Variants in PCDH1 observed in about 807,000 individuals in gnomAD.
The protein encoded by PCDH1 is protocadherin-1.
A neutral mutation model predicts 74.6 loss-of-function variants in PCDH1; 23 were observed. The ratio of observed to expected loss-of-function variants is 0.31; its 90% CI spans 0.22 to 0.44. The LOEUF is 0.44. PCDH1 is among the 20% of genes least tolerant of loss of function. The probability of loss-of-function intolerance (pLI) is 1.00; values close to 1 mark genes in which losing one functional copy is unlikely to be tolerated. For synonymous variants in PCDH1, 647 were observed against 686.1 expected (o/e 0.94, Z 0.89); for missense variants, 1,214 against 1,641.4 (o/e 0.74, Z 4.50).
chr5:141,870,776 C>T (rs1018603377), intron 1 of PCDH1, among the ~76,000 whole-genome samples: 3 of 152,184 alleles, frequency 2.0e-5, no homozygotes, highest in Non-Finnish European at 4.4e-5. Context: ...GCCCCCTCCT[C>T]TCCAACAAAA....
chr5:141,854,118 A>AG lies in PCDH1; in HGVS notation c.3637dup (p.Leu1213ProfsTer70). The stretch of plus-strand genomic sequence containing the variant: ...GGGTGGGAAGTCCGAGGTCTGGGTC[A>AG]GGGGGATTTCCTCCAAGGTGGCCGA... On this transcript the variant is annotated frameshift_variant, in exon 5 of 5. Coordinates refer to ENST00000287008, the MANE Select transcript of PCDH1 (RefSeq NM_032420.5). LOFTEE classifies it high-confidence loss of function. 1 of 1,583,338 alleles carries AG rather than the reference A, an allele frequency of 6.3e-7. No individual in the cohort carries two copies. Among genetic ancestry groups the AG allele is most frequent in the African/African-American group, 1.3e-5 (1 of 74,380 alleles).
At position 141,863,011 on chromosome 5, in the gene PCDH1, G is replaced by A; in HGVS notation, c.3099+221C>T. ...TCTCTCCCCAGTGGGGAGAGGGCAGGGAGGAGACCACAGAGCACACCCTCC... is the reference window on the plus strand; with the variant it reads ...TCTCTCCCCAGTGGGGAGAGGGCAGAGAGGAGACCACAGAGCACACCCTCC... On this transcript the variant is annotated intron_variant, in intron 3 of 4. Transcript: ENST00000287008. The surrounding 1 kb of genome is among the most constrained non-coding windows in gnomAD (Gnocchi z 7.5). 4 of 1,277,202 alleles carry A rather than the reference G, an allele frequency of 3.1e-6. No homozygotes were observed. The highest frequency in any genetic ancestry group is 3.9e-6 in the Non-Finnish European group (4 of 1,013,116). 79.1% of individuals were successfully genotyped at this position (1,277,202 alleles called of 1,614,324 possible).
In PCDH1 at chr5:141,854,241, G is replaced by GGGCTGC. The variant is rs1562473291; in HGVS notation, c.3509_3514dup (p.Ser1171_Pro1172insArgSer). On this transcript the variant is annotated inframe_insertion, in exon 5 of 5. Coordinates refer to ENST00000287008, the MANE Select transcript of PCDH1 (RefSeq NM_032420.5). ...GGTGTTCCGGTCTTCCGGGGGGCTG[G>GGGCTGC]GGCTGCCGGCGCCCGCAGGCTCCTG... The GGGCTGC allele has an allele frequency of 6.2e-7, 1 of 1,612,076 alleles. No individual in the cohort carries two copies. Among genetic ancestry groups the GGGCTGC allele is most frequent in the Admixed American group, 1.7e-5 (1 of 59,822 alleles).
At chr5:141,860,917 A>G (rs1752539397) in intron 3 of PCDH1, among the ~76,000 whole-genome samples, 1 of 152,096 alleles carries the variant, frequency 6.6e-6, no homozygotes, top group Non-Finnish European at 1.5e-5. Context: ...GGAGCTCAAG[A>G]CCAGCCTGAC....
chr5:141,867,928 TG>T (rs941257882), intron 2 of PCDH1, among the ~76,000 whole-genome samples: 1 of 152,196 alleles, frequency 6.6e-6, no homozygotes. Flanking sequence ...AGAGGGGTGC[TG>T]AGAACTTCAA....
In PCDH1 at chr5:141,853,738, G is replaced by C. The variant is rs1046729770; in HGVS notation, c.*304C>G. The C allele has an allele frequency of 3.2e-6, 1 of 310,072 alleles. No homozygotes were observed. The highest frequency in any genetic ancestry group is 2.1e-5 in the African/African-American group (1 of 46,662). The allele number at this position is 310,072 out of a possible 1,614,324, so 19.2% of individuals were successfully genotyped here. A position where few individuals can be genotyped will look rare whatever the true frequency, so the allele number is the denominator to read the frequency against. ...TGACTCCACCATCTGCCCAAATCGA[G>C]GGGGTGCTCCCTGGAAGTCAAGGGA... On this transcript the variant is annotated 3_prime_UTR_variant, in exon 5 of 5. Transcript: ENST00000287008.
intron 2 of PCDH1, among the ~76,000 whole-genome samples, chr5:141,867,848 G>A (rs1752916479): frequency 6.6e-6 from 1 of 152,222 alleles, no homozygotes; most frequent in African/African-American, 2.4e-5. Context: ...TGTCTGCAGA[G>A]ACGCTTTCTT....
At chr5:141,877,956 C>T (rs1450473814) in intron 1 of PCDH1, among the ~76,000 whole-genome samples, 2 of 152,190 alleles carry the variant, frequency 1.3e-5, no homozygotes, top group Admixed American at 1.3e-4. Flanking sequence ...TCTCCGAGCG[C>T]GCCCAGGTTT....
At chr5:141,877,189 G>T (rs1753263525) in intron 1 of PCDH1, among the ~76,000 whole-genome samples, 1 of 152,216 alleles carries the variant, frequency 6.6e-6, no homozygotes, top group African/African-American at 2.4e-5. Flanking sequence ...GCGCTGCAGG[G>T]TGTAATGTAA....
In PCDH1 at chr5:141,878,230, CG is replaced by C; in HGVS notation, c.32del (p.Pro11ArgfsTer6). 1 of 1,387,874 alleles carries C rather than the reference CG, an allele frequency of 7.2e-7. No homozygotes were observed. Among genetic ancestry groups the C allele is most frequent in the Middle Eastern group, 2.6e-4 (1 of 3,814 alleles). 86.0% of individuals were successfully genotyped at this position (1,387,874 alleles called of 1,614,324 possible). ...CCGCCGCCGGATCCTTACCCGCCTC[CG>C]GGCAGCGCCGGCCGCCCGCCCCGCT... MDSGAGGRRCPEAALLILGPP... is the reference protein window; with the variant it reads MDSGAGGRRCXEAALLILGPP... On this transcript the variant is annotated frameshift_variant, in exon 1 of 5. Coordinates refer to ENST00000287008, the MANE Select transcript of PCDH1 (RefSeq NM_032420.5). LOFTEE classifies it high-confidence loss of function. This position sits in a 1 kb window ranked among gnomAD's most constrained non-coding sequence, Gnocchi z 5.5.
chr5:141,869,723 C>A lies in PCDH1; in HGVS notation c.41-292G>T. ...TCACCCACCTGACGCTCCCTGGGCC[C>A]AAGCCCGGCTGCCCGCCCTCTTTCC... On this transcript the variant is annotated intron_variant, in intron 1 of 4. Coordinates refer to ENST00000287008, the MANE Select transcript of PCDH1 (RefSeq NM_032420.5). This position sits in a 1 kb window ranked among gnomAD's most constrained non-coding sequence, Gnocchi z 4.9. 6.8e-7 allele frequency: 1 copy of A among 1,471,522 alleles called. No individual in the cohort carries two copies. Among genetic ancestry groups the A allele is most frequent in the Admixed American group, 2.2e-5 (1 of 46,008 alleles). The allele number at this position is 1,471,522 out of a possible 1,614,324, so 91.2% of individuals were successfully genotyped here. A position where few individuals can be genotyped will look rare whatever the true frequency, so the allele number is the denominator to read the frequency against.
intron 3 of PCDH1, among the ~76,000 whole-genome samples, chr5:141,858,422 T>G (rs1752443661): frequency 6.6e-6 from 1 of 152,048 alleles, no homozygotes; most frequent in Admixed American, 6.5e-5. Flanking sequence ...GGAAAGCTGG[T>G]CTCAAAGGGA....
In PCDH1 at chr5:141,865,597, G is replaced by A. The variant is rs1210116701; in HGVS notation, c.904-170C>T. On this transcript the variant is annotated intron_variant, in intron 2 of 4. Transcript: ENST00000287008. This position sits in a 1 kb window ranked among gnomAD's most constrained non-coding sequence, Gnocchi z 4.4. ...TGTGTGTCCTGCCTTTTCCCAATTCGGACATTCTGGCAGGCATTACTAACC... is the reference window on the plus strand; with the variant it reads ...TGTGTGTCCTGCCTTTTCCCAATTCAGACATTCTGGCAGGCATTACTAACC... 2.0e-5 allele frequency among the ~76,000 whole-genome samples: 3 copies of A among 152,134 alleles called. No homozygotes were observed. Among genetic ancestry groups the A allele is most frequent in the Non-Finnish European group, 2.9e-5 (2 of 68,032 alleles).
chr5:141,874,734 T>C (rs990756869), intron 1 of PCDH1, among the ~76,000 whole-genome samples: 1 of 152,204 alleles, frequency 6.6e-6, no homozygotes, highest in African/African-American at 2.4e-5. Context: ...CAGCCACCAC[T>C]GTCCCAGTAG....
chr5:141,875,372 A>G (rs1753196073), intron 1 of PCDH1, among the ~76,000 whole-genome samples: 1 of 152,072 alleles, frequency 6.6e-6, no homozygotes, highest in Non-Finnish European at 1.5e-5. Flanking sequence ...CCCACCATGG[A>G]CCCTGGCAGA....
intron 3 of PCDH1, among the ~76,000 whole-genome samples, chr5:141,858,622 T>C (rs965542760): frequency 2.6e-5 from 4 of 152,156 alleles, no homozygotes; most frequent in African/African-American, 9.7e-5. Context: ...AACTTGGCAC[T>C]TGGCACAACC....
At chr5:141,855,635 A>T (rs1241143177) in intron 4 of PCDH1, among the ~76,000 whole-genome samples, 1 of 152,068 alleles carries the variant, frequency 6.6e-6, no homozygotes, top group Non-Finnish European at 1.5e-5. Context: ...CTCCTCCTGC[A>T]AGACCTTGCT....
rs1277882500 is a variant in PCDH1, at chr5:141,862,546, AG to A, written c.3099+685del. 9 of 792,924 alleles carry A rather than the reference AG, an allele frequency of 1.1e-5. No homozygotes were observed. The East Asian group carries it at 3.8e-4, about 33-fold the overall frequency. 49.1% of individuals were successfully genotyped at this position (792,924 alleles called of 1,614,324 possible). A position where few individuals can be genotyped will look rare whatever the true frequency, so the allele number is the denominator to read the frequency against. On this transcript the variant is annotated intron_variant, in intron 3 of 4. Coordinates refer to ENST00000287008, the MANE Select transcript of PCDH1 (RefSeq NM_032420.5). ...ATGGGCAGGTCTAGGATGTGGCAAG[AG>A]GCAAAGAGAAGGGAAGGGGAAATTG...
chr5:141,877,087 G>A (rs1438804105), intron 1 of PCDH1, among the ~76,000 whole-genome samples: 5 of 152,256 alleles, frequency 3.3e-5, no homozygotes, highest in African/African-American at 1.2e-4. Flanking sequence ...ACGTGGCGGG[G>A]CGCTTGGGGC....
Sources: gnomAD v4.1 joint callset for allele counts (sites outside exome capture counted in the v4.1 genomes callset) on GRCh38, gnomAD v4.1.1 for gene constraint, Gnocchi (gnomAD v3.1) non-coding constraint, MANE v1.5 for transcripts, NCBI Gene and HGNC (gene_info 2026-07-23, HGNC 2026-07-21) for gene names.